The following TNFSF4 variants were observed in gnomAD, a reference collection of about 807,000 sequenced individuals.
TNFSF4 encodes the protein tumor necrosis factor ligand superfamily member 4.
Under a neutral mutation model 7.3 loss-of-function variants are expected in TNFSF4, and 4 were observed. The ratio of observed to expected loss-of-function variants is 0.55; its 90% CI spans 0.27 to 1.25. TNFSF4 has a LOEUF of 1.25. Among genes scored for constraint, TNFSF4 ranks in the 50% most tolerant of loss-of-function variants. TNFSF4 has a pLI of 0.12. For synonymous variants in TNFSF4, 76 were observed against 83.7 expected, an observed-to-expected ratio of 0.91 and a Z score of 0.50; for missense variants, 181 against 208.8, an observed-to-expected ratio of 0.87 and a Z score of 0.82.
At chr1:173,386,742 A>C in the TNFSF4 span, among the ~76,000 whole-genome samples, 1 of 152,216 alleles carries the variant, frequency 6.6e-6, no homozygotes, top group Non-Finnish European at 1.5e-5. Context: ...GCATCCTGTG[A>C]AGTCATGGGG....
chr1:173,251,602 T>G, the TNFSF4 span, among the ~76,000 whole-genome samples: 1 of 152,218 alleles, frequency 6.6e-6, no homozygotes, highest in Non-Finnish European at 1.5e-5. Context: ...TTCTAGCCCT[T>G]GCAGCTGTGT....
At chr1:173,319,602 G>T in the TNFSF4 span, among the ~76,000 whole-genome samples, 22 of 152,202 alleles carry the variant, frequency 1.4e-4, no homozygotes, top group Admixed American at 1.4e-3. Flanking sequence ...CCTCATACAG[G>T]AGAGTTCCAT....
At chr1:173,244,470 G>A in the TNFSF4 span, among the ~76,000 whole-genome samples, 448 of 151,420 alleles carry the variant, frequency 3.0e-3, 2 homozygotes, top group South Asian at 8.2e-3. Context: ...GTGAAACCCC[G>A]TCTCTACTAA....
At chr1:173,380,255 T>C in the TNFSF4 span, among the ~76,000 whole-genome samples, 1 of 152,196 alleles carries the variant, frequency 6.6e-6, no homozygotes, top group Non-Finnish European at 1.5e-5. Flanking sequence ...GGGAGGGACA[T>C]ATTAGCCAAA....
downstream of TNFSF4, among the ~76,000 whole-genome samples, chr1:173,181,924 G>A (rs559334031): frequency 1.3e-4 from 20 of 152,262 alleles, no homozygotes; most frequent in Admixed American, 6.5e-4. Context: ...CACATACTCC[G>A]TAAGGAAGGC....
the TNFSF4 span, among the ~76,000 whole-genome samples, chr1:173,391,579 G>T: frequency 6.6e-6 from 1 of 151,546 alleles, no homozygotes; most frequent in Non-Finnish European, 1.5e-5. Flanking sequence ...GTTCATACTT[G>T]GTCTTGAGCT....
the TNFSF4 span, among the ~76,000 whole-genome samples, chr1:173,367,005 C>T: frequency 6.6e-6 from 1 of 152,338 alleles, no homozygotes; most frequent in South Asian, 2.1e-4. Context: ...CGCATGAGTA[C>T]ACATGATTAT....
the TNFSF4 span, among the ~76,000 whole-genome samples, chr1:173,262,598 CTTTT>C: frequency 3.2e-4 from 34 of 105,030 alleles, no homozygotes; most frequent in Admixed American, 1.3e-3. Context: ...CCAAAAGATT[CTTTT>C]TTTTTTTTTT....
At chr1:173,399,069 T>C in the TNFSF4 span, among the ~76,000 whole-genome samples, 4 of 152,168 alleles carry the variant, frequency 2.6e-5, no homozygotes, top group Admixed American at 2.6e-4. Flanking sequence ...CATGAAGTGT[T>C]ATCTGACCCA....
chr1:173,215,849 C>T, the TNFSF4 span, among the ~76,000 whole-genome samples: 3 of 152,138 alleles, frequency 2.0e-5, no homozygotes, highest in Admixed American at 6.5e-5. Context: ...ACAATGTTTA[C>T]ACCCATTAGC....
intron 1 of TNFSF4, among the ~76,000 whole-genome samples, chr1:173,192,609 G>C (rs891313426): frequency 1.3e-5 from 2 of 152,098 alleles, no homozygotes; most frequent in East Asian, 3.8e-4. Context: ...GGTAGTGAAA[G>C]CATCCTGTAT....
At chr1:173,213,508 C>T in the TNFSF4 span, among the ~76,000 whole-genome samples, 12 of 152,086 alleles carry the variant, frequency 7.9e-5, no homozygotes, top group Middle Eastern at 3.4e-3. Context: ...ATGTGTGCAA[C>T]GACAAGAACA....
At chr1:173,299,076 T>C in the TNFSF4 span, among the ~76,000 whole-genome samples, 1 of 151,934 alleles carries the variant, frequency 6.6e-6, no homozygotes, top group African/African-American at 2.4e-5. Flanking sequence ...GGATATGATG[T>C]CCTTTACCTA....
the TNFSF4 span, among the ~76,000 whole-genome samples, chr1:173,382,870 G>A: frequency 1.8e-5 from 2 of 108,238 alleles, no homozygotes; most frequent in Non-Finnish European, 3.8e-5. Flanking sequence ...GAGATTTACT[G>A]TTTTCACACA....
chr1:173,202,070 T>TATATATATATACACACA (rs150074641), intron 1 of TNFSF4, among the ~76,000 whole-genome samples: 7 of 149,660 alleles, frequency 4.7e-5, no homozygotes, highest in Non-Finnish European at 1.0e-4. Context: ...TATATATATA[T>TATATATATATACACACA]ACACACACAC....
downstream of TNFSF4, among the ~76,000 whole-genome samples, chr1:173,183,556 C>T (rs574357775): frequency 6.6e-6 from 1 of 152,302 alleles, no homozygotes; most frequent in South Asian, 2.1e-4. Flanking sequence ...AGCATCTTTT[C>T]AAAAGCAAAG....
chr1:173,260,676 A>C, the TNFSF4 span, among the ~76,000 whole-genome samples: 1 of 152,200 alleles, frequency 6.6e-6, no homozygotes, highest in African/African-American at 2.4e-5. Flanking sequence ...GCAAAAAAAC[A>C]GGGGTCACAA....
the TNFSF4 span, among the ~76,000 whole-genome samples, chr1:173,384,329 A>G: frequency 1.3e-5 from 2 of 152,214 alleles, no homozygotes; most frequent in African/African-American, 4.8e-5. Flanking sequence ...AGTAAATGAG[A>G]TCGGGAGAAG....
the TNFSF4 span, among the ~76,000 whole-genome samples, chr1:173,377,895 C>G: frequency 6.6e-6 from 1 of 152,208 alleles, no homozygotes; most frequent in Non-Finnish European, 1.5e-5. Flanking sequence ...TCCCCTCCCT[C>G]AGGGTACGGC....
Sources: gnomAD v4.1 joint callset for allele counts (sites outside exome capture counted in the v4.1 genomes callset) on GRCh38, gnomAD v4.1.1 for gene constraint, MANE v1.5 for transcripts, NCBI Gene and HGNC (gene_info 2026-07-23, HGNC 2026-07-21) for gene names.